Variants in VOPP1 observed in about 807,000 individuals in gnomAD.
The protein encoded by VOPP1 is VOPP1 WW domain binding protein.
VOPP1 carries 8 observed loss-of-function variants against 23.5 expected under a neutral mutation model. The observed-to-expected ratio is 0.34, with a 90% CI of 0.20 to 0.61. VOPP1 has a LOEUF of 0.61. Among genes scored for constraint, VOPP1 ranks in the 20% least tolerant of loss-of-function variants. VOPP1 has a pLI of 0.78. For missense variants in VOPP1, 174 were observed against 238.1 expected (o/e 0.73, Z 1.77); for synonymous variants, 83 against 97.3 (o/e 0.85, Z 0.86).
At chr7:55,485,544 C>A (rs1269071259) in intron 4 of VOPP1, among the ~76,000 whole-genome samples, 1 of 152,210 alleles carries the variant, frequency 6.6e-6, no homozygotes, top group African/African-American at 2.4e-5. Flanking sequence ...TGGTGCAGCA[C>A]CCACGTTTTT....
At chr7:55,457,072 C>G (rs576974090) in intron 4 of VOPP1, among the ~76,000 whole-genome samples, 3 of 152,146 alleles carry the variant, frequency 2.0e-5, no homozygotes, top group Non-Finnish European at 4.4e-5. Context: ...AACCTCTCTT[C>G]GTGACACCGT....
intron 1 of VOPP1, among the ~76,000 whole-genome samples, chr7:55,564,754 C>T (rs1180842275): frequency 6.6e-6 from 1 of 152,076 alleles, no homozygotes; most frequent in Non-Finnish European, 1.5e-5. Flanking sequence ...TCTGTTAATC[C>T]ACCCTGGGCC....
In VOPP1 at chr7:55,453,525, G is replaced by T. The variant is rs368973126; in HGVS notation, n.418-17351C>A. On this transcript the variant is annotated intron_variant and non_coding_transcript_variant, in intron 4 of 4. Transcript: ENST00000462326. Reference sequence around the variant, plus strand: ...CTAATTTCATTATTGTTTGTTGTGTGTCAGGGAAGAGAGTGGGAAAGAGAT... The same window carrying T: ...CTAATTTCATTATTGTTTGTTGTGTTTCAGGGAAGAGAGTGGGAAAGAGAT... Among the ~76,000 whole-genome samples the T allele has an allele frequency of 2.3e-4, 35 of 152,290 alleles. No individual in the cohort carries two copies. The East Asian group carries it at 6.0e-3, about 26-fold the overall frequency.
chr7:55,502,759 C>T (rs959524646), intron 2 of VOPP1, among the ~76,000 whole-genome samples: 22 of 152,232 alleles, frequency 1.4e-4, no homozygotes, highest in Admixed American at 9.8e-4. Flanking sequence ...AAGTCAAATA[C>T]TCCTACTGCC....
At chr7:55,539,526 T>G (rs1425863005) in intron 1 of VOPP1, 3 of 152,190 alleles carry the variant, frequency 2.0e-5, no homozygotes, top group African/African-American at 7.2e-5. Context: ...TGAATTCAGC[T>G]TCTCCCCATT....
chr7:55,541,293 T>C (rs7807422), intron 1 of VOPP1, among the ~76,000 whole-genome samples: 50,110 of 152,142 alleles, frequency 0.33, 8,560 homozygotes, highest in African/African-American at 0.4. Context: ...ATTTTTTAAA[T>C]GGGCAAAGGA....
chr7:55,494,144 G>T (rs1165466122), intron 3 of VOPP1, among the ~76,000 whole-genome samples: 1 of 152,194 alleles, frequency 6.6e-6, no homozygotes, highest in Admixed American at 6.5e-5. Flanking sequence ...AAACCGTTCA[G>T]GAGTGTGGTG....
downstream of VOPP1, among the ~76,000 whole-genome samples, chr7:55,469,162 G>A (rs187239761): frequency 4.9e-4 from 75 of 152,134 alleles, no homozygotes; most frequent in African/African-American, 1.7e-3. Context: ...ATTTTATTTT[G>A]TAGTCGAGCA....
At chr7:55,446,453 A>T (rs1791104702) in intron 4 of VOPP1, among the ~76,000 whole-genome samples, 1 of 152,180 alleles carries the variant, frequency 6.6e-6, no homozygotes, top group Non-Finnish European at 1.5e-5. Context: ...TGCTGTAGAC[A>T]TTCTTCTCTG....
At chr7:55,456,964 C>T (rs1217751791) in intron 4 of VOPP1, among the ~76,000 whole-genome samples, 1 of 152,068 alleles carries the variant, frequency 6.6e-6, no homozygotes, top group East Asian at 1.9e-4. Context: ...TCTCTTCTAG[C>T]TATTATAAAA....
Position 55,515,174 on chromosome 7 carries a change from A to G in VOPP1, c.113+5898T>C, listed in dbSNP as rs78019894. Among the ~76,000 whole-genome samples the G allele has an allele frequency of 4.2e-3, 643 of 152,262 alleles. 3 individuals carry two copies. Among genetic ancestry groups the G allele is most frequent in the African/African-American group, 0.014 (591 of 41,542 alleles). ...CTGGGTGGCCTCTGGGGGGCTGAGGAGCACCTGGGCTGGAAATCTCAATGG... is the reference window on the plus strand; with the variant it reads ...CTGGGTGGCCTCTGGGGGGCTGAGGGGCACCTGGGCTGGAAATCTCAATGG... On this transcript the variant is annotated intron_variant, in intron 2 of 4. Transcript: ENST00000285279.
chr7:55,571,031 C>A (rs559337933), intron 1 of VOPP1, among the ~76,000 whole-genome samples: 1 of 152,230 alleles, frequency 6.6e-6, no homozygotes, highest in Non-Finnish European at 1.5e-5. Context: ...TGTTTTCATG[C>A]GATTACTGGT....
At chr7:55,516,921 TATATATA>T (rs1331712903) in intron 2 of VOPP1, among the ~76,000 whole-genome samples, 42 of 38,080 alleles carry the variant, frequency 1.1e-3, no homozygotes, top group African/African-American at 4.6e-3. Context: ...TATATATATA[TATATATA>T]TATATTTTTT....
intron 1 of VOPP1, chr7:55,538,755 C>CCTTTA: frequency 1.8e-6 from 2 of 1,114,142 alleles, no homozygotes; most frequent in South Asian, 3.0e-5. Context: ...GGAACGCTTT[C>CCTTTA]TAAGGGGAAT....
At chr7:55,455,389 T>C (rs1791340946) in intron 4 of VOPP1, among the ~76,000 whole-genome samples, 1 of 152,206 alleles carries the variant, frequency 6.6e-6, no homozygotes. Flanking sequence ...AAGTAATTTA[T>C]AGATTCAATG....
At chr7:55,514,059 G>A (rs1446140512) in intron 2 of VOPP1, among the ~76,000 whole-genome samples, 3 of 152,250 alleles carry the variant, frequency 2.0e-5, no homozygotes, top group East Asian at 1.9e-4. Context: ...CCACCCCAGC[G>A]TCTGACTGGG....
In VOPP1 at chr7:55,449,413, G is replaced by A. The variant is rs116120307; in HGVS notation, n.418-13239C>T. ...GCAGGTCAGGGACACCCGTCCACCTGCGTCTGCCATCGCTTCGGGGCCTGC... is the reference window on the plus strand; with the variant it reads ...GCAGGTCAGGGACACCCGTCCACCTACGTCTGCCATCGCTTCGGGGCCTGC... On this transcript the variant is annotated intron_variant and non_coding_transcript_variant, in intron 4 of 4. Coordinates refer to the VOPP1 transcript ENST00000462326. 3.5e-3 allele frequency among the ~76,000 whole-genome samples: 536 copies of A among 152,310 alleles called. 1 individual carries two copies. Among genetic ancestry groups the A allele is most frequent in the African/African-American group, 0.012 (511 of 41,570 alleles).
rs1356763361 is a variant in VOPP1 at position 55,471,505 on chromosome 7, C to T, written c.*1350G>A. ...AAAAAATAAGCACCCCCACCTCATTCCCCGTGATACAGCACATCTAGTAAT... is the reference window on the plus strand; with the variant it reads ...AAAAAATAAGCACCCCCACCTCATTTCCCGTGATACAGCACATCTAGTAAT... On this transcript the variant is annotated 3_prime_UTR_variant, in exon 5 of 5. Coordinates refer to ENST00000285279, the MANE Select transcript of VOPP1 (RefSeq NM_030796.5). The T allele has an allele frequency of 6.6e-6, 1 of 151,944 alleles. No homozygotes were observed. Among genetic ancestry groups the T allele is most frequent in the Non-Finnish European group, 1.5e-5 (1 of 67,984 alleles). 9.4% of individuals were successfully genotyped at this position (151,944 alleles called of 1,614,324 possible).
At chr7:55,435,575 C>T (rs541756392), downstream of VOPP1, among the ~76,000 whole-genome samples, 11 of 152,326 alleles carry the variant, frequency 7.2e-5, no homozygotes, top group Middle Eastern at 3.4e-3. Flanking sequence ...CAGCACAGTA[C>T]GCAGCCCCGA....
Sources: allele counts gnomAD v4.1 joint callset (sites outside exome capture counted in the v4.1 genomes callset), GRCh38; gene constraint gnomAD v4.1.1; transcripts MANE v1.5; gene names NCBI Gene and HGNC (gene_info 2026-07-23, HGNC 2026-07-21).